DIP2A: variants seen among roughly 807,000 people sequenced by gnomAD.
DIP2A encodes DIP2 acetate--CoA ligase A, also known as disco-interacting protein 2 homolog A.
A neutral mutation model predicts 177.4 loss-of-function variants in DIP2A; 85 were observed. That is an observed-to-expected ratio of 0.48 (90% CI 0.40 to 0.57). DIP2A has a LOEUF of 0.57. Among genes scored for constraint, DIP2A ranks in the 20% least tolerant of loss-of-function variants. The pLI is 0.00. For missense variants in DIP2A, 1,791 were observed against 2,100.2 expected, an observed-to-expected ratio of 0.85 and a Z score of 2.88; for synonymous variants, 886 against 881.8, an observed-to-expected ratio of 1.00 and a Z score of -0.08.
intron 8 of DIP2A, chr21:46,525,543 C>T (rs2059038204): frequency 6.6e-6 from 1 of 152,136 alleles, no homozygotes; most frequent in African/African-American, 2.4e-5. Context: ...GTCTTAATTG[C>T]CATAGTTTTA....
At chr21:46,545,380 T>C (rs767493605) in intron 19 of DIP2A, 107 bp downstream of exon 19, 260 of 1,342,130 alleles carry the variant, frequency 1.9e-4, no homozygotes, top group Non-Finnish European at 2.6e-4. Flanking sequence ...GGGGATGGTC[T>C]CCTTCCACAC....
intron 3 of DIP2A, among the ~76,000 whole-genome samples, chr21:46,492,269 C>G (rs1450970724): frequency 6.6e-6 from 1 of 152,176 alleles, no homozygotes; most frequent in Non-Finnish European, 1.5e-5. Flanking sequence ...AGAGAATTCC[C>G]TTTGCACTTT....
chr21:46,487,859 T>G (rs2056783910), intron 2 of DIP2A, among the ~76,000 whole-genome samples: 1 of 152,200 alleles, frequency 6.6e-6, no homozygotes, highest in South Asian at 2.1e-4. Context: ...AAAAACTTAA[T>G]ACATCCTATA....
chr21:46,533,419 G>C, intron 10 of DIP2A, 105 bp from the exon 11 acceptor site: 1 of 1,357,058 alleles, frequency 7.4e-7, no homozygotes, highest in Non-Finnish European at 9.8e-7. Context: ...TTTTATGAGG[G>C]ATGAAAAAAA....
chr21:46,535,576 A>G (rs1222560971), intron 13 of DIP2A, among the ~76,000 whole-genome samples: 1 of 152,176 alleles, frequency 6.6e-6, no homozygotes, highest in African/African-American at 2.4e-5. Context: ...GAGAAATTTT[A>G]AATAGAATTT....
At chr21:46,570,521 C>T (rs1225555479), downstream of DIP2A, among the ~76,000 whole-genome samples, 2 of 152,088 alleles carry the variant, frequency 1.3e-5, no homozygotes, top group Non-Finnish European at 2.9e-5. Flanking sequence ...CCTCCATATA[C>T]TTCTTACTTT....
chr21:46,535,251 G>T (rs904652620), intron 13 of DIP2A, among the ~76,000 whole-genome samples: 2 of 152,108 alleles, frequency 1.3e-5, no homozygotes, highest in African/African-American at 4.8e-5. Flanking sequence ...CTTAACTTGA[G>T]ATATCTTTAA....
At chr21:46,521,834 A>G (rs2058837312) in intron 8 of DIP2A, among the ~76,000 whole-genome samples, 3 of 152,250 alleles carry the variant, frequency 2.0e-5, no homozygotes, top group Admixed American at 1.3e-4. Flanking sequence ...AACCTTCAGC[A>G]TTATTCTATC....
At chr21:46,459,289 C>T in intron 1 of DIP2A, 67 bp downstream of exon 1, 1 of 1,352,802 alleles carries the variant, frequency 7.4e-7, no homozygotes, top group Non-Finnish European at 9.8e-7. Flanking sequence ...CAGCCCCTCA[C>T]TCCGGGACCC....
chr21:46,472,252 C>A (rs2055451576), intron 1 of DIP2A, among the ~76,000 whole-genome samples: 1 of 152,166 alleles, frequency 6.6e-6, no homozygotes, highest in African/African-American at 2.4e-5. Flanking sequence ...AGAAATGAAC[C>A]CTCTGGCACC....
intron 6 of DIP2A, among the ~76,000 whole-genome samples, chr21:46,507,571 C>T (rs2058076750): frequency 6.6e-6 from 1 of 151,410 alleles, no homozygotes. Flanking sequence ...TGTGTTGTTC[C>T]GTTTCCTTAT....
At chr21:46,493,551 A>G (rs1473001771) in intron 3 of DIP2A, among the ~76,000 whole-genome samples, 1 of 134,036 alleles carries the variant, frequency 7.5e-6, no homozygotes, top group African/African-American at 2.6e-5. Context: ...ATAAAATTCT[A>G]GGTTTAACAC....
chr21:46,545,208 G>C lies in DIP2A; in HGVS notation c.2248G>C (p.Val750Leu). 6.2e-7 allele frequency: 1 copy of C among 1,609,490 alleles called. No individual in the cohort carries two copies. The highest frequency in any genetic ancestry group is 8.5e-7 in the Non-Finnish European group (1 of 1,176,200). Reference sequence around the variant, plus strand: ...AACTGATGAAGTGGGAGAAATATGCGTCAGTTCCAGTGCAACTGGCACAGC... The same window carrying C: ...AACTGATGAAGTGGGAGAAATATGCCTCAGTTCCAGTGCAACTGGCACAGC... ...CKTDEVGEIC[V>L]SSSATGTAYY... Residue 750 changes from valine (V) to leucine (L), a missense_variant, in exon 19 of 38, where the codon GTC becomes CTC. Transcript: ENST00000417564.
At chr21:46,545,706 C>T (rs932318183) in intron 19 of DIP2A, among the ~76,000 whole-genome samples, 175 bp from the exon 20 acceptor site, 1 of 152,228 alleles carries the variant, frequency 6.6e-6, no homozygotes, top group African/African-American at 2.4e-5. Flanking sequence ...AGGAGGCCTG[C>T]CCAGGAGATT....
At chr21:46,541,209 A>G (rs2059803744) in intron 17 of DIP2A, among the ~76,000 whole-genome samples, 1 of 152,168 alleles carries the variant, frequency 6.6e-6, no homozygotes, top group Admixed American at 6.5e-5. Context: ...TGTATCACAA[A>G]CAACAACAGT....
intron 1 of DIP2A, among the ~76,000 whole-genome samples, chr21:46,479,429 A>G (rs896816660): frequency 1.3e-5 from 2 of 152,238 alleles, no homozygotes; most frequent in African/African-American, 4.8e-5. Flanking sequence ...AATATTTACT[A>G]CACATTTAAA....
intron 4 of DIP2A, among the ~76,000 whole-genome samples, chr21:46,497,540 T>C (rs568614375): frequency 4.0e-4 from 61 of 152,360 alleles, no homozygotes; most frequent in African/African-American, 1.3e-3. Flanking sequence ...TGGAAAGTTT[T>C]GCGGTTGATT....
At chr21:46,580,611 T>A in the DIP2A span, among the ~76,000 whole-genome samples, 1 of 152,364 alleles carries the variant, frequency 6.6e-6, no homozygotes, top group African/African-American at 2.4e-5. Context: ...TTTCATGCTA[T>A]CTTCAGGAGC....
rs866883583 is a variant in DIP2A at position 46,459,310 on chromosome 21, C to T, written c.91+88C>T. The T allele has an allele frequency of 2.5e-4, 300 of 1,206,150 alleles. 14 individuals are homozygous for T. In the South Asian group the frequency reaches 3.0e-3, roughly 12 times the overall value. The allele number at this position is 1,206,150 out of a possible 1,614,324, so 74.7% of individuals were successfully genotyped here. A position where few individuals can be genotyped will look rare whatever the true frequency, so the allele number is the denominator to read the frequency against. ...CTCACTCCGGGACCCCCGCGCGGCC[C>T]CTCACTCCAGGACCCCCGCCCTTCA... On this transcript the variant is annotated intron_variant, in intron 1 of 37. Transcript: ENST00000417564.
Sources: gnomAD v4.1 joint callset for allele counts (sites outside exome capture counted in the v4.1 genomes callset) on GRCh38, gnomAD v4.1.1 for gene constraint, MANE v1.5 for transcripts, NCBI Gene and HGNC (gene_info 2026-07-23, HGNC 2026-07-21) for gene names.